Variants in TEAD1 observed in about 807,000 individuals in gnomAD.
TEAD1 encodes the protein transcriptional enhancer factor TEF-1.
TEAD1 carries 9 observed loss-of-function variants against 54.9 expected under a neutral mutation model. The observed-to-expected ratio is 0.16, with a 90% confidence interval of 0.10 to 0.29. The LOEUF (loss-of-function observed/expected upper bound fraction) is 0.29. Among genes scored for constraint, TEAD1 ranks in the 10% least tolerant of loss-of-function variants. TEAD1 has a pLI of 1.00. For missense variants in TEAD1, 387 were observed against 535.9 expected (o/e 0.72, Z 2.74); for synonymous variants, 200 against 187.8 (o/e 1.07, Z -0.53).
At chr11:12,831,978 T>C (rs1946793049) in intron 3 of TEAD1, among the ~76,000 whole-genome samples, 1 of 152,156 alleles carries the variant, frequency 6.6e-6, no homozygotes, top group South Asian at 2.1e-4. Context: ...GTAGGAAAGC[T>C]GCCCCCCGGC....
At chr11:12,898,172 A>G (rs1948349792) in intron 9 of TEAD1, among the ~76,000 whole-genome samples, 1 of 151,986 alleles carries the variant, frequency 6.6e-6, no homozygotes, top group Non-Finnish European at 1.5e-5. Flanking sequence ...AGAGGCCCAC[A>G]CTCTGAGCAG....
rs372386652 is a variant in TEAD1, at chr11:12,806,617, T to C, written c.202+42183T>C. Among the ~76,000 whole-genome samples, 17 of 152,342 alleles carry C rather than the reference T, an allele frequency of 1.1e-4. 1 individual carries two copies. In the East Asian group the frequency reaches 1.3e-3, roughly 12 times the overall value. ...GGCCCTCTGGCCGAGGTCTAAGGACTGTACAGAATATGGATAAAAGCATGA... is the reference window on the plus strand; with the variant it reads ...GGCCCTCTGGCCGAGGTCTAAGGACCGTACAGAATATGGATAAAAGCATGA... On this transcript the variant is annotated intron_variant, in intron 3 of 12. Coordinates refer to ENST00000527636, the MANE Select transcript of TEAD1 (RefSeq NM_021961.6).
intron 2 of TEAD1, among the ~76,000 whole-genome samples, chr11:12,745,917 T>C (rs1944738356): frequency 6.6e-6 from 1 of 152,214 alleles, no homozygotes; most frequent in Non-Finnish European, 1.5e-5. Flanking sequence ...GGGAAACCCA[T>C]TCCACCCAGT....
intron 2 of TEAD1, among the ~76,000 whole-genome samples, chr11:12,723,630 GT>G (rs1944256627): frequency 6.6e-6 from 1 of 152,034 alleles, no homozygotes; most frequent in African/African-American, 2.4e-5. Flanking sequence ...CCCATTTCCT[GT>G]TTCCCTCCTC....
At chr11:12,852,483 T>A (rs1457409498) in intron 3 of TEAD1, among the ~76,000 whole-genome samples, 1 of 150,768 alleles carries the variant, frequency 6.6e-6, no homozygotes, top group Non-Finnish European at 1.5e-5. Flanking sequence ...AGTCTCACTC[T>A]GTTGCCCAGG....
In TEAD1 at chr11:12,919,918, G is replaced by A. The variant is rs114081329; in HGVS notation, c.874-4994G>A. On this transcript the variant is annotated intron_variant, in intron 10 of 12. Coordinates refer to ENST00000527636, the MANE Select transcript of TEAD1 (RefSeq NM_021961.6). Reference sequence around the variant, plus strand: ...TACTTCTCCTTCAGTAACACATGTGGACTCAGCCTAGTACTCATTTCAGGT... The same window carrying A: ...TACTTCTCCTTCAGTAACACATGTGAACTCAGCCTAGTACTCATTTCAGGT... Among the ~76,000 whole-genome samples the A allele has an allele frequency of 7.8e-3, 1,188 of 152,178 alleles. 7 individuals carry two copies. Among genetic ancestry groups the A allele is most frequent in the African/African-American group, 0.028 (1,150 of 41,506 alleles).
intron 2 of TEAD1, among the ~76,000 whole-genome samples, chr11:12,735,850 A>G (rs1182684708): frequency 2.0e-5 from 3 of 152,194 alleles, no homozygotes; most frequent in Admixed American, 1.3e-4. Flanking sequence ...TCCATCACAG[A>G]ACCCTGCCTG....
At chr11:12,891,053 C>T (rs1216939044) in intron 9 of TEAD1, among the ~76,000 whole-genome samples, 1 of 152,160 alleles carries the variant, frequency 6.6e-6, no homozygotes, top group East Asian at 1.9e-4. Flanking sequence ...ATGTGAACCA[C>T]CATGCACGGC....
intron 2 of TEAD1, among the ~76,000 whole-genome samples, chr11:12,759,594 G>A (rs1254084724): frequency 6.6e-6 from 1 of 152,216 alleles, no homozygotes; most frequent in Non-Finnish European, 1.5e-5. Flanking sequence ...TGGGCGCGGT[G>A]GCTCACGCCT....
rs183726831 is a variant in TEAD1, at chr11:12,783,576, A to G, written c.202+19142A>G. 3.8e-3 allele frequency among the ~76,000 whole-genome samples: 581 copies of G among 152,120 alleles called. 2 individuals are homozygous for G. The highest frequency in any genetic ancestry group is 0.014 in the Middle Eastern group (4 of 294). On this transcript the variant is annotated intron_variant, in intron 3 of 12. Transcript: ENST00000527636. ...GGAAACCTGGTGAGTTGCTTCTCAG[A>G]TGTTTAGGTCACACACTGACACTCA...
chr11:12,805,826 A>G lies in TEAD1; in HGVS notation c.202+41392A>G, dbSNP rs200661660. Among the ~76,000 whole-genome samples the G allele has an allele frequency of 1.3e-4, 20 of 152,344 alleles. No homozygotes were observed. In the East Asian group the frequency reaches 3.9e-3, roughly 29 times the overall value. ...CCAAAGAATTGATCTGTTTAAATCA[A>G]GTTAGTTTTACAGCTCCGTTTGTTG... On this transcript the variant is annotated intron_variant, in intron 3 of 12. Transcript: ENST00000527636.
intron 2 of TEAD1, among the ~76,000 whole-genome samples, chr11:12,691,394 G>A (rs1943454945): frequency 6.6e-6 from 1 of 152,258 alleles, no homozygotes; most frequent in African/African-American, 2.4e-5. Context: ...GAGAAATGGA[G>A]TTTCTAGGCT....
chr11:12,820,231 AT>A, intron 3 of TEAD1, among the ~76,000 whole-genome samples: 1 of 152,158 alleles, frequency 6.6e-6, no homozygotes, highest in East Asian at 1.9e-4. Flanking sequence ...CCATACAGTA[AT>A]TTTTTTCAAC....
At chr11:12,932,736 G>A (rs192899302) in intron 12 of TEAD1, among the ~76,000 whole-genome samples, 1 of 152,222 alleles carries the variant, frequency 6.6e-6, no homozygotes, top group East Asian at 1.9e-4. Context: ...GTTAGCCTAA[G>A]TGTACAGTAC....
At chr11:12,803,173 C>T (rs541388649) in intron 3 of TEAD1, among the ~76,000 whole-genome samples, 4 of 152,146 alleles carry the variant, frequency 2.6e-5, no homozygotes, top group African/African-American at 9.6e-5. Flanking sequence ...GATTTTTCCC[C>T]CCTTTCCCCG....
At chr11:12,890,332 T>G (rs948820547) in intron 9 of TEAD1, among the ~76,000 whole-genome samples, 1 of 152,188 alleles carries the variant, frequency 6.6e-6, no homozygotes, top group African/African-American at 2.4e-5. Flanking sequence ...ATTGGGTAGA[T>G]GGTTACTCTG....
intron 9 of TEAD1, among the ~76,000 whole-genome samples, chr11:12,891,830 A>G (rs1046892947): frequency 5.3e-5 from 8 of 152,214 alleles, no homozygotes; most frequent in African/African-American, 1.4e-4. Context: ...ACAGATGGAC[A>G]TTTGATTTGG....
At chr11:12,929,270 ACTTTT>A (rs1948968872) in intron 11 of TEAD1, among the ~76,000 whole-genome samples, 1 of 149,862 alleles carries the variant, frequency 6.7e-6, no homozygotes, top group African/African-American at 2.5e-5. Context: ...TGGTTTTGCC[ACTTTT>A]CTTTTTTCTC....
At chr11:12,756,432 T>C (rs887138179) in intron 2 of TEAD1, among the ~76,000 whole-genome samples, 5 of 152,240 alleles carry the variant, frequency 3.3e-5, no homozygotes, top group African/African-American at 9.6e-5. Context: ...TCTTCACTTG[T>C]ATTTTTCTCA....
Sources: allele counts gnomAD v4.1 joint callset (sites outside exome capture counted in the v4.1 genomes callset), GRCh38; gene constraint gnomAD v4.1.1; transcripts MANE v1.5; gene names NCBI Gene and HGNC (gene_info 2026-07-23, HGNC 2026-07-21).